Variants in CYFIP1 observed in about 807,000 individuals in gnomAD.
CYFIP1 encodes the protein cytoplasmic FMR1-interacting protein 1.
A neutral mutation model predicts 163.5 loss-of-function variants in CYFIP1; 58 were observed. The ratio of observed to expected loss-of-function variants is 0.35; its 90% CI spans 0.29 to 0.44. CYFIP1 has a LOEUF of 0.44. Ranked by LOEUF, CYFIP1 falls within the 20% of genes least tolerant of loss-of-function variation. CYFIP1 has a pLI of 1.00. For synonymous variants in CYFIP1, 663 were observed against 660.7 expected (o/e 1.00, Z -0.05); for missense variants, 1,338 against 1,653.8 (o/e 0.81, Z 3.31).
rs772150869 is a variant in CYFIP1, at chr15:22,944,682, G to A, written c.286-23C>T. ...CACCTGGGAATAAAGGAACAAGGAT[G>A]ACATAAGAGGCTTTGATCCAGCCAG... is the stretch of plus-strand genomic sequence containing the variant. On this transcript the variant is annotated intron_variant, in intron 4 of 30. Coordinates refer to ENST00000617928, the MANE Select transcript of CYFIP1 (RefSeq NM_014608.6). 14 of 1,597,928 alleles carry A rather than the reference G, an allele frequency of 8.8e-6. No individual in the cohort carries two copies. In the South Asian group the frequency reaches 1.4e-4, roughly 16 times the overall value.
chr15:22,919,246 G>C (rs2061099278), intron 13 of CYFIP1, among the ~76,000 whole-genome samples: 1 of 152,186 alleles, frequency 6.6e-6, no homozygotes, highest in Non-Finnish European at 1.5e-5. Context: ...TCACAACAAA[G>C]GCGCAGTGAA....
At chr15:22,892,806 C>G in intron 23 of CYFIP1, 84 bp downstream of exon 23, 1 of 1,030,792 alleles carries the variant, frequency 9.7e-7, no homozygotes. Context: ...ATTTAGGTCA[C>G]TGCAACCAAA....
At chr15:22,924,952 G>C (rs2061311062) in intron 13 of CYFIP1, among the ~76,000 whole-genome samples, 1 of 152,096 alleles carries the variant, frequency 6.6e-6, no homozygotes, top group African/African-American at 2.4e-5. Context: ...TGCACCTATA[G>C]TTTCAGCTAA....
chr15:22,921,961 G>A (rs1204417170), intron 13 of CYFIP1, among the ~76,000 whole-genome samples: 4 of 152,030 alleles, frequency 2.6e-5, no homozygotes, highest in Non-Finnish European at 5.9e-5. Flanking sequence ...CAATTTGATG[G>A]GGAAAGATCA....
chr15:22,956,677 G>C (rs2062467090), intron 1 of CYFIP1, among the ~76,000 whole-genome samples: 1 of 152,114 alleles, frequency 6.6e-6, no homozygotes, highest in Non-Finnish European at 1.5e-5. Context: ...GGCTGGTAAA[G>C]GGGGAACGGG....
At position 22,869,135 on chromosome 15, in the gene CYFIP1, G is replaced by T. The variant is rs1333054480; in HGVS notation, c.*893C>A. 6.6e-6 allele frequency: 1 copy of T among 152,272 alleles called. No individual in the cohort carries two copies. Among genetic ancestry groups the T allele is most frequent in the Non-Finnish European group, 1.5e-5 (1 of 68,106 alleles). 9.4% of individuals were successfully genotyped at this position (152,272 alleles called of 1,614,324 possible). The stretch of plus-strand genomic sequence containing the variant: ...TGGACTCGGTGCTCCCGGTCCCTTT[G>T]TGCAGCACCCACTGGGCCTGACTGA... On this transcript the variant is annotated 3_prime_UTR_variant, in exon 31 of 31. Transcript: ENST00000617928.
chr15:22,892,238 T>C (rs967153114), intron 23 of CYFIP1, among the ~76,000 whole-genome samples: 1 of 152,228 alleles, frequency 6.6e-6, no homozygotes, highest in African/African-American at 2.4e-5. Flanking sequence ...TTCATCTCTC[T>C]TCGTTGCTAC....
At chr15:22,888,573 A>C (rs1290996985) in intron 23 of CYFIP1, among the ~76,000 whole-genome samples, 2 of 151,876 alleles carry the variant, frequency 1.3e-5, no homozygotes, top group Non-Finnish European at 2.9e-5. Context: ...CTCTACAAAA[A>C]ACACAAAAAT....
At chr15:22,933,064 G>C (rs898461871) in intron 10 of CYFIP1, among the ~76,000 whole-genome samples, 2 of 151,996 alleles carry the variant, frequency 1.3e-5, no homozygotes, top group African/African-American at 4.8e-5. Context: ...AAACTCCTGA[G>C]TTCAAGAGAT....
chr15:22,926,739 C>T (rs922755322), intron 12 of CYFIP1, among the ~76,000 whole-genome samples: 9 of 151,984 alleles, frequency 5.9e-5, no homozygotes, highest in South Asian at 4.1e-4. Flanking sequence ...AAATGCAGGG[C>T]GTGAAGCGAC....
chr15:22,965,329 T>C (rs1431836176), intron 1 of CYFIP1, among the ~76,000 whole-genome samples: 1 of 152,168 alleles, frequency 6.6e-6, no homozygotes, highest in Non-Finnish European at 1.5e-5. Context: ...TGTGGTGGCG[T>C]ACGCCTGTAA....
chr15:22,883,145 G>T, intron 23 of CYFIP1, 134 bp from the exon 24 acceptor site: 2 of 974,362 alleles, frequency 2.1e-6, no homozygotes, highest in Admixed American at 2.6e-5. Flanking sequence ...AAAATCTACT[G>T]CCCTTAACTG....
At chr15:22,916,903 G>A in intron 15 of CYFIP1, 1 of 1,551,760 alleles carries the variant, frequency 6.4e-7, no homozygotes. Flanking sequence ...AAAAGGGGTA[G>A]GTAGGTGCAC....
chr15:22,969,400 T>A (rs1048874436), intron 1 of CYFIP1, among the ~76,000 whole-genome samples: 2 of 152,176 alleles, frequency 1.3e-5, no homozygotes, highest in Non-Finnish European at 2.9e-5. Context: ...TTGTGCTGAA[T>A]AGCACAGATG....
rs564262867 is a variant in CYFIP1 at position 22,891,750 on chromosome 15, C to T, written c.2676+1140G>A. Reference sequence around the variant, plus strand: ...CGCTCCTGCCAGGTCCAAGGCACTGCCCTGTAAGGAGAAGGAAGACGCCCA... The same window carrying T: ...CGCTCCTGCCAGGTCCAAGGCACTGTCCTGTAAGGAGAAGGAAGACGCCCA... On this transcript the variant is annotated intron_variant, in intron 23 of 30. Transcript: ENST00000617928. Among the ~76,000 whole-genome samples the T allele has an allele frequency of 3.2e-4, 49 of 152,342 alleles. 2 individuals are homozygous for T. In the South Asian group the frequency reaches 9.3e-3, roughly 29 times the overall value.
chr15:22,873,344 C>G (rs1305912789), intron 29 of CYFIP1, 147 bp downstream of exon 29: 4 of 663,158 alleles, frequency 6.0e-6, no homozygotes. Context: ...AGTAAGAATC[C>G]CCACTACAGG....
chr15:22,892,866 TAACACG>T lies in CYFIP1; in HGVS notation c.2676+18_2676+23del. 6.3e-7 allele frequency: 1 copy of T among 1,574,902 alleles called. No individual in the cohort carries two copies. The highest frequency in any genetic ancestry group is 1.7e-5 in the Admixed American group (1 of 59,076). The stretch of plus-strand genomic sequence containing the variant: ...TGCTTCATTATGAGCTTCAAGCTCG[TAACACG>T]AACACATTGGAGCCTACCTTGGATC... On this transcript the variant is annotated intron_variant, in intron 23 of 30. Transcript: ENST00000617928.
At chr15:22,942,841 C>G (rs2061935743) in intron 6 of CYFIP1, among the ~76,000 whole-genome samples, 1 of 152,236 alleles carries the variant, frequency 6.6e-6, no homozygotes, top group Non-Finnish European at 1.5e-5. Context: ...AAGATGCTCC[C>G]TGAGCCAGAT....
intron 15 of CYFIP1, chr15:22,916,960 CCA>C (rs1371893309): frequency 1.3e-6 from 2 of 1,551,708 alleles, no homozygotes; most frequent in East Asian, 2.4e-5. Context: ...CTCTCCATGC[CCA>C]GAGACTTGAG....
Sources: gnomAD v4.1 joint callset for allele counts (sites outside exome capture counted in the v4.1 genomes callset) on GRCh38, gnomAD v4.1.1 for gene constraint, MANE v1.5 for transcripts, NCBI Gene and HGNC (gene_info 2026-07-23, HGNC 2026-07-21) for gene names.